Variants in ANK3 observed in about 807,000 individuals in gnomAD.
ANK3 encodes ankyrin-3.
A neutral mutation model predicts 370.9 loss-of-function variants in ANK3; 57 were observed. The ratio of observed to expected loss-of-function variants is 0.15; its 90% confidence interval spans 0.12 to 0.19. The LOEUF (loss-of-function observed/expected upper bound fraction) is 0.19. Ranked by LOEUF, ANK3 falls within the 10% of genes least tolerant of loss-of-function variation. ANK3 has a pLI of 1.00. For missense variants in ANK3, 4,439 were observed against 5,302.1 expected, an observed-to-expected ratio of 0.84 and a Z score of 5.06; for synonymous variants, 1,929 against 1,946.3, an observed-to-expected ratio of 0.99 and a Z score of 0.23.
intron 2 of ANK3, among the ~76,000 whole-genome samples, chr10:60,516,867 A>C (rs1164544761): frequency 1.3e-5 from 2 of 152,094 alleles, no homozygotes; most frequent in African/African-American, 4.8e-5. Flanking sequence ...CTTTTTCCTA[A>C]AGAGAAGGGA....
intron 2 of ANK3, among the ~76,000 whole-genome samples, chr10:60,510,513 A>C (rs2076051391): frequency 6.6e-6 from 1 of 152,188 alleles, no homozygotes; most frequent in Non-Finnish European, 1.5e-5. Flanking sequence ...ACAGATAAAC[A>C]GATTTAGAAA....
In ANK3 at chr10:60,072,329, A is replaced by C; in HGVS notation, c.8552T>G (p.Val2851Gly). ...TCCCGAACTCTCCCATGTTCTAAAG[A>C]CCTTTTTGTCCCATGGTCCCCTAGT... is the stretch of plus-strand genomic sequence containing the variant. The part of the protein sequence containing the change: ...LATRGPWDKK[V>G]FRTWESSGAT... The change falls in exon 37 of 44, where the codon GTC becomes GGC. Residue 2851 changes from valine to glycine, a missense_variant. Val to Gly is a moderately radical substitution (Grantham distance 109). Transcript: ENST00000280772. The C allele has an allele frequency of 6.2e-7, 1 of 1,613,892 alleles. No homozygotes were observed. Among genetic ancestry groups the C allele is most frequent in the South Asian group, 1.1e-5 (1 of 91,024 alleles).
At chr10:60,282,355 G>C (rs2098176405) in intron 1 of ANK3, among the ~76,000 whole-genome samples, 1 of 152,168 alleles carries the variant, frequency 6.6e-6, no homozygotes, top group Non-Finnish European at 1.5e-5. Flanking sequence ...TTGCTCTCAA[G>C]TTTCCTCAGA....
At chr10:60,677,603 C>T (rs2079141723) in intron 1 of ANK3, among the ~76,000 whole-genome samples, 1 of 151,968 alleles carries the variant, frequency 6.6e-6, no homozygotes, top group Admixed American at 6.6e-5. Context: ...ATATTTGAAA[C>T]ATCTGAATTC....
chr10:60,539,294 A>T (rs1412564545), intron 2 of ANK3, among the ~76,000 whole-genome samples: 1 of 151,950 alleles, frequency 6.6e-6, no homozygotes, highest in Non-Finnish European at 1.5e-5. Context: ...CTATAATACC[A>T]TTGATTTTTC....
At chr10:60,543,285 T>G (rs144522682) in intron 2 of ANK3, among the ~76,000 whole-genome samples, 129 of 152,120 alleles carry the variant, frequency 8.5e-4, no homozygotes, top group African/African-American at 2.9e-3. Context: ...ATACATCTTT[T>G]GCCCCTAGAT....
At chr10:60,605,333 G>A (rs1413416604) in intron 2 of ANK3, among the ~76,000 whole-genome samples, 1 of 152,030 alleles carries the variant, frequency 6.6e-6, no homozygotes, top group Non-Finnish European at 1.5e-5. Context: ...GCTCACACCT[G>A]TAAATCCCAG....
intron 18 of ANK3, among the ~76,000 whole-genome samples, chr10:60,180,743 G>A (rs896427941): frequency 9.2e-5 from 14 of 151,830 alleles, no homozygotes; most frequent in Non-Finnish European, 1.5e-4. Context: ...CTTTGATGAT[G>A]ACATGAGAAG....
intron 2 of ANK3, among the ~76,000 whole-genome samples, chr10:60,491,540 C>T (rs2075505168): frequency 6.6e-6 from 1 of 152,208 alleles, no homozygotes; most frequent in Non-Finnish European, 1.5e-5. Flanking sequence ...ACTATCAACA[C>T]TTTGTGCCTA....
At chr10:60,137,610 G>C (rs74156416) in intron 24 of ANK3, among the ~76,000 whole-genome samples, 1 of 151,964 alleles carries the variant, frequency 6.6e-6, no homozygotes, top group African/African-American at 2.4e-5. Flanking sequence ...AAAAAAATGA[G>C]TTACATATAA....
At chr10:60,130,339 T>C (rs1223714881) in intron 25 of ANK3, among the ~76,000 whole-genome samples, 1 of 152,192 alleles carries the variant, frequency 6.6e-6, no homozygotes, top group East Asian at 1.9e-4. Context: ...ATATGCAAAC[T>C]GATTAATCAG....
At chr10:60,109,473 A>G (rs1484708811) in intron 26 of ANK3, among the ~76,000 whole-genome samples, 1 of 152,238 alleles carries the variant, frequency 6.6e-6, no homozygotes, top group Non-Finnish European at 1.5e-5. Flanking sequence ...TACAAGTAAG[A>G]TGAAACTCCA....
intron 1 of ANK3, among the ~76,000 whole-genome samples, chr10:60,380,224 T>C (rs1051946612): frequency 6.6e-6 from 1 of 152,146 alleles, no homozygotes; most frequent in African/African-American, 2.4e-5. Context: ...CTACATCCCG[T>C]TCTGTAATGT....
chr10:60,098,520 TC>T (rs1384615327), intron 28 of ANK3, among the ~76,000 whole-genome samples: 1 of 152,212 alleles, frequency 6.6e-6, no homozygotes, highest in Non-Finnish European at 1.5e-5. Flanking sequence ...CAGGCATTTA[TC>T]CCTTTGGAAT....
At chr10:60,308,912 C>T (rs1283118349) in intron 1 of ANK3, among the ~76,000 whole-genome samples, 2 of 152,114 alleles carry the variant, frequency 1.3e-5, no homozygotes, top group African/African-American at 2.4e-5. Flanking sequence ...GCTTCGGGTG[C>T]TGTTTTTCCC....
Position 60,698,477 on chromosome 10 carries a change from C to T in ANK3, c.57+34786G>A, listed in dbSNP as rs2079496520. 2.7e-5 allele frequency among the ~76,000 whole-genome samples: 4 copies of T among 150,674 alleles called. No homozygotes were observed. The South Asian group carries it at 8.4e-4, about 32-fold the overall frequency. On this transcript the variant is annotated intron_variant, in intron 1 of 43. Transcript: ENST00000373827. Reference sequence around the variant, plus strand: ...CGTATGTTTATTGCGGCACTATTCACAATAGCAAAGACTTGGAACCAACCC... The same window carrying T: ...CGTATGTTTATTGCGGCACTATTCATAATAGCAAAGACTTGGAACCAACCC...
At chr10:60,110,074 A>G (rs1443411418) in intron 26 of ANK3, among the ~76,000 whole-genome samples, 3 of 152,208 alleles carry the variant, frequency 2.0e-5, no homozygotes, top group African/African-American at 7.2e-5. Context: ...CAAAATGGTG[A>G]TAATTAGAAA....
chr10:60,205,157 A>G (rs1299446109), intron 11 of ANK3, among the ~76,000 whole-genome samples: 1 of 152,144 alleles, frequency 6.6e-6, no homozygotes, highest in Non-Finnish European at 1.5e-5. Flanking sequence ...CATTTCTCTG[A>G]GTTCTGAGTT....
At chr10:60,667,244 G>T (rs1281243046) in intron 1 of ANK3, among the ~76,000 whole-genome samples, 1 of 148,186 alleles carries the variant, frequency 6.7e-6, no homozygotes, top group Non-Finnish European at 1.5e-5. Context: ...GAAGAAAAGT[G>T]TAAGAGCCAC....
Sources: gnomAD v4.1 joint callset for allele counts (sites outside exome capture counted in the v4.1 genomes callset) on GRCh38, gnomAD v4.1.1 for gene constraint, MANE v1.5 for transcripts, NCBI Gene and HGNC (gene_info 2026-07-23, HGNC 2026-07-21) for gene names.